WNT16: variants seen among roughly 807,000 people sequenced by gnomAD.
WNT16 encodes protein Wnt-16.
A neutral mutation model predicts 35.4 loss-of-function variants in WNT16; 20 were observed. The observed-to-expected ratio is 0.56, with a 90% CI of 0.40 to 0.82. The LOEUF is 0.82. WNT16 is among the 40% of genes least tolerant of loss of function. The probability of loss-of-function intolerance (pLI) is 0.00; values close to 1 mark genes in which losing one functional copy is unlikely to be tolerated. For missense variants in WNT16, 461 were observed against 466.0 expected (o/e 0.99, Z 0.10); for synonymous variants, 180 against 179.2 (o/e 1.00, Z -0.03).
upstream of WNT16, among the ~76,000 whole-genome samples, chr7:121,327,694 G>A (rs761577263): frequency 6.6e-6 from 1 of 152,176 alleles, no homozygotes; most frequent in Non-Finnish European, 1.5e-5. Context: ...TACCCACTGA[G>A]CTGATACGTC....
At position 121,337,307 on chromosome 7, in the gene WNT16, C is replaced by A. The variant is rs550697553; in HGVS notation, c.634-1574C>A. 5.7e-4 allele frequency among the ~76,000 whole-genome samples: 87 copies of A among 152,246 alleles called. 1 individual carries two copies. The highest frequency in any genetic ancestry group is 4.6e-3 in the Admixed American group (71 of 15,286). ...TACCATATGCTCTTATTTAAGGTTG[C>A]AAATGTTATTATTTGTGTGCAATAT... On this transcript the variant is annotated intron_variant, in intron 3 of 3. Coordinates refer to ENST00000222462, the MANE Select transcript of WNT16 (RefSeq NM_057168.2).
chr7:121,327,333 C>T (rs1793260490), upstream of WNT16, among the ~76,000 whole-genome samples: 1 of 149,294 alleles, frequency 6.7e-6, no homozygotes, highest in Non-Finnish European at 1.5e-5. Context: ...AGATAAGCAG[C>T]TAATGCTATC....
upstream of WNT16, among the ~76,000 whole-genome samples, chr7:121,326,277 C>A (rs1006486162): frequency 6.6e-6 from 1 of 152,116 alleles, no homozygotes; most frequent in African/African-American, 2.4e-5. Context: ...ATGCCTGGAA[C>A]AAAATTATCA....
In WNT16 at chr7:121,329,025, C is replaced by G. The variant is rs1312886624; in HGVS notation, c.-268C>G. Reference sequence around the variant, plus strand: ...AACAGAAGTTTCTCACCTAGGAATGCGAGGGGCGCTCCCGCATCTCCTGCA... The same window carrying G: ...AACAGAAGTTTCTCACCTAGGAATGGGAGGGGCGCTCCCGCATCTCCTGCA... On this transcript the variant is annotated 5_prime_UTR_variant, in exon 1 of 4. Transcript: ENST00000222462. 2.0e-5 allele frequency: 24 copies of G among 1,217,210 alleles called. No individual in the cohort carries two copies. The highest frequency in any genetic ancestry group is 2.5e-5 in the Non-Finnish European group (24 of 976,756). 75.4% of individuals were successfully genotyped at this position (1,217,210 alleles called of 1,614,324 possible). A position where few individuals can be genotyped will look rare whatever the true frequency, so the allele number is the denominator to read the frequency against.
chr7:121,333,058 T>G (rs895254707), intron 3 of WNT16, among the ~76,000 whole-genome samples: 6 of 152,058 alleles, frequency 3.9e-5, no homozygotes, highest in African/African-American at 1.4e-4. Context: ...TTTTCTATGT[T>G]GTAATAAACT....
rs11371537 is a variant in WNT16, at chr7:121,330,714, GAAAAAAAAAAAAAA to G, written c.346+906_346+919del. 9.1e-5 allele frequency among the ~76,000 whole-genome samples: 8 copies of G among 88,186 alleles called. 1 individual carries two copies. The South Asian group carries it at 2.7e-3, about 30-fold the overall frequency. The allele number at this position is 88,186 out of a possible 152,430, so 57.9% of individuals were successfully genotyped here. On this transcript the variant is annotated intron_variant, in intron 2 of 3. Coordinates refer to ENST00000222462, the MANE Select transcript of WNT16 (RefSeq NM_057168.2). The stretch of plus-strand genomic sequence containing the variant: ...GAAGGAGCCCTGGTCCCCGTAGAGA[GAAAAAAAAAAAAAA>G]AAAAAAAAGAGACAGAAAGAAAAAA...
intron 2 of WNT16, 77 bp from the exon 3 acceptor site, chr7:121,331,601 C>A: frequency 7.3e-7 from 1 of 1,377,532 alleles, no homozygotes. Context: ...CCAGTAAGAT[C>A]ATGAGTAGGA....
Position 121,339,417 on chromosome 7 carries a change from C to T in WNT16, c.*72C>T. The T allele has an allele frequency of 1.4e-6, 2 of 1,394,936 alleles. No homozygotes were observed. The highest frequency in any genetic ancestry group is 2.0e-6 in the Non-Finnish European group (2 of 1,020,660). The allele number at this position is 1,394,936 out of a possible 1,614,324, so 86.4% of individuals were successfully genotyped here. A position where few individuals can be genotyped will look rare whatever the true frequency, so the allele number is the denominator to read the frequency against. On this transcript the variant is annotated 3_prime_UTR_variant, in exon 4 of 4. Coordinates refer to ENST00000222462, the MANE Select transcript of WNT16 (RefSeq NM_057168.2). Reference sequence around the variant, plus strand: ...CATTGCAACCAGAGAGGTGCCCATCCCTGTGCAGCGCTAGTAAAGTTGACT... The same window carrying T: ...CATTGCAACCAGAGAGGTGCCCATCTCTGTGCAGCGCTAGTAAAGTTGACT...
At position 121,329,403 on chromosome 7, in the gene WNT16, G is replaced by T; in HGVS notation, c.95+16G>T. 1.2e-6 allele frequency: 2 copies of T among 1,608,054 alleles called. No homozygotes were observed. The highest frequency in any genetic ancestry group is 1.7e-6 in the Non-Finnish European group (2 of 1,176,384). On this transcript the variant is annotated intron_variant, in intron 1 of 3. Transcript: ENST00000222462. ...GAAACTGGATGTGAGTATGGAGGTG[G>T]CAGGGAAGCATCGGGTAGGTGGCAA...
intron 3 of WNT16, among the ~76,000 whole-genome samples, chr7:121,335,691 G>A (rs1793432425): frequency 6.6e-6 from 1 of 151,946 alleles, no homozygotes; most frequent in Non-Finnish European, 1.5e-5. Context: ...CACTTTCTGG[G>A]GGAGTGTTCA....
chr7:121,325,437 A>G (rs770618863), upstream of WNT16: 2 of 1,613,772 alleles, frequency 1.2e-6, no homozygotes, highest in Admixed American at 3.3e-5. Flanking sequence ...CACTTGCCTC[A>G]GGGAGACCCT....
intron 3 of WNT16, among the ~76,000 whole-genome samples, chr7:121,335,986 T>TG (rs1793439396): frequency 1.4e-5 from 2 of 140,208 alleles, no homozygotes; most frequent in African/African-American, 2.6e-5. Flanking sequence ...GAATTAAACT[T>TG]TGTGTGTGTG....
chr7:121,335,986 TTGTGTGTGTGTGTGTGTGTG>T (rs36224614), intron 3 of WNT16, among the ~76,000 whole-genome samples: 2 of 140,208 alleles, frequency 1.4e-5, no homozygotes, highest in African/African-American at 2.6e-5. Context: ...GAATTAAACT[TTGTGTGTGTGTGTGTGTGTG>T]TGTGTGTGTG....
chr7:121,340,857 T>G lies in WNT16; in HGVS notation c.*1512T>G, dbSNP rs1584681882. ...TGTATTTTAATGTAAATGCTTATGT[T>G]TTTTATGAATTGTTAAATATTTCAG... On this transcript the variant is annotated 3_prime_UTR_variant, in exon 4 of 4. Transcript: ENST00000222462. 1 of 152,244 alleles carries G rather than the reference T, an allele frequency of 6.6e-6. No homozygotes were observed. The highest frequency in any genetic ancestry group is 1.9e-4 in the East Asian group (1 of 5,188). The allele number at this position is 152,244 out of a possible 1,614,324, so 9.4% of individuals were successfully genotyped here.
chr7:121,335,688 T>G (rs749170614), intron 3 of WNT16, among the ~76,000 whole-genome samples: 14 of 152,094 alleles, frequency 9.2e-5, no homozygotes, highest in Non-Finnish European at 1.6e-4. Context: ...ATACACTTTC[T>G]GGGGGAGTGT....
In WNT16 at chr7:121,340,431, A is replaced by G. The variant is rs1485469337; in HGVS notation, c.*1086A>G. 6.6e-6 allele frequency: 1 copy of G among 152,054 alleles called. No homozygotes were observed. The highest frequency in any genetic ancestry group is 1.5e-5 in the Non-Finnish European group (1 of 67,966). The allele number at this position is 152,054 out of a possible 1,614,324, so 9.4% of individuals were successfully genotyped here. A position where few individuals can be genotyped will look rare whatever the true frequency, so the allele number is the denominator to read the frequency against. On this transcript the variant is annotated 3_prime_UTR_variant, in exon 4 of 4. Coordinates refer to ENST00000222462, the MANE Select transcript of WNT16 (RefSeq NM_057168.2). ...CATACTATTAATGCTATTTTTTTGG[A>G]CATCGAAGAGAATTTAACTTAGCAG...
chr7:121,336,984 T>C (rs879919844), intron 3 of WNT16, among the ~76,000 whole-genome samples: 29 of 152,192 alleles, frequency 1.9e-4, no homozygotes, highest in Admixed American at 2.6e-4. Context: ...CCAGCACTGA[T>C]TGAGCTTTTT....
chr7:121,332,820 A>G (rs1464573380), intron 3 of WNT16, among the ~76,000 whole-genome samples: 2 of 152,138 alleles, frequency 1.3e-5, no homozygotes, highest in East Asian at 3.8e-4. Flanking sequence ...TTAAAGATAC[A>G]GAGGTGGTAC....
At chr7:121,327,296 CT>C (rs1250943216), upstream of WNT16, among the ~76,000 whole-genome samples, 1 of 150,186 alleles carries the variant, frequency 6.7e-6, no homozygotes, top group Non-Finnish European at 1.5e-5. Context: ...TTTCAGTGAG[CT>C]TTTATTGCTC....
Sources: gnomAD v4.1 joint callset for allele counts (sites outside exome capture counted in the v4.1 genomes callset) on GRCh38, gnomAD v4.1.1 for gene constraint, MANE v1.5 for transcripts, NCBI Gene and HGNC (gene_info 2026-07-23, HGNC 2026-07-21) for gene names.